Variants in RBPJ observed in about 807,000 individuals in gnomAD.
The protein encoded by RBPJ is recombination signal binding protein for immunoglobulin kappa J region, also known as recombining binding protein suppressor of hairless.
Under a neutral mutation model 67.8 loss-of-function variants are expected in RBPJ, and 9 were observed. The observed-to-expected ratio is 0.13, with a 90% CI of 0.08 to 0.23. The LOEUF (loss-of-function observed/expected upper bound fraction) is 0.23. Among genes scored for constraint, RBPJ ranks in the 10% least tolerant of loss-of-function variants. The pLI is 1.00. For synonymous variants in RBPJ, 198 were observed against 203.3 expected (o/e 0.97, Z 0.22); for missense variants, 305 against 595.6 (o/e 0.51, Z 5.08).
chr4:26,423,956 C>T (rs1461366633), intron 5 of RBPJ, among the ~76,000 whole-genome samples: 1 of 152,150 alleles, frequency 6.6e-6, no homozygotes, highest in East Asian at 1.9e-4. Context: ...TCTGCTTTTC[C>T]ATTCAGTGAT....
At chr4:26,258,046 A>T (rs745320702) in intron 1 of RBPJ, among the ~76,000 whole-genome samples, 7 of 152,244 alleles carry the variant, frequency 4.6e-5, no homozygotes, top group Non-Finnish European at 8.8e-5. Context: ...ACAGGCTCAC[A>T]TTATGTCAGA....
intron 1 of RBPJ, among the ~76,000 whole-genome samples, chr4:26,248,875 A>G (rs1720008095): frequency 6.6e-6 from 1 of 152,232 alleles, no homozygotes; most frequent in Admixed American, 6.5e-5. Context: ...CAAAAACACC[A>G]GCTGGGAGGT....
chr4:26,404,923 GC>G (rs1181539145), intron 2 of RBPJ, among the ~76,000 whole-genome samples: 1 of 152,040 alleles, frequency 6.6e-6, no homozygotes, highest in East Asian at 1.9e-4. Flanking sequence ...CTTTACATAG[GC>G]GTTCCCTTAT....
At chr4:26,398,601 C>T (rs1321522842) in intron 2 of RBPJ, among the ~76,000 whole-genome samples, 1 of 152,154 alleles carries the variant, frequency 6.6e-6, no homozygotes, top group Non-Finnish European at 1.5e-5. Flanking sequence ...TCTTTCCAAT[C>T]TCATCTTTCA....
the RBPJ span, among the ~76,000 whole-genome samples, chr4:26,124,415 C>CATAT: frequency 4.8e-3 from 298 of 62,374 alleles, 10 homozygotes; most frequent in East Asian, 7.4e-3. Flanking sequence ...AGTATTCCAT[C>CATAT]ATATATATAT....
chr4:26,308,924 ATT>A (rs1722335824), intron 1 of RBPJ, among the ~76,000 whole-genome samples: 1 of 152,134 alleles, frequency 6.6e-6, no homozygotes, highest in Non-Finnish European at 1.5e-5. Context: ...TGTTCTATTG[ATT>A]TCCTGTGTAA....
At chr4:26,270,363 AAGAAAG>A (rs1720842617) in intron 1 of RBPJ, among the ~76,000 whole-genome samples, 1 of 21,142 alleles carries the variant, frequency 4.7e-5, no homozygotes, top group Admixed American at 5.6e-4. Flanking sequence ...AAGAGAAAGA[AAGAAAG>A]AAAGAAAGAA....
chr4:26,234,446 C>T lies in RBPJ; in HGVS notation c.-167+70832C>T, dbSNP rs75581087. ...GCCTGAAAGAACCAGAGAATGATTC[C>T]GTAGTAATACTAAAATTTGTGGCAT... On this transcript the variant is annotated intron_variant, in intron 1 of 4. Transcript: ENST00000512351. Among the ~76,000 whole-genome samples the T allele has an allele frequency of 1.1e-3, 164 of 152,162 alleles. 1 individual carries two copies. The East Asian group carries it at 0.023, about 21-fold the overall frequency.
intron 1 of RBPJ, among the ~76,000 whole-genome samples, chr4:26,372,449 G>T (rs1484262033): frequency 6.6e-6 from 1 of 152,174 alleles, no homozygotes; most frequent in African/African-American, 2.4e-5. Flanking sequence ...GACGTAGGGC[G>T]ATTGACTAGA....
At chr4:26,428,652 G>T in intron 7 of RBPJ, 68 bp from the exon 8 acceptor site, 1 of 1,212,446 alleles carries the variant, frequency 8.2e-7, no homozygotes, top group Non-Finnish European at 1.2e-6. Flanking sequence ...ATGTACTTTT[G>T]ATGTTTTACA....
In RBPJ at chr4:26,289,053, A is replaced by G. The variant is rs1229347980; in HGVS notation, c.-166-73393A>G. 4.0e-5 allele frequency among the ~76,000 whole-genome samples: 6 copies of G among 151,082 alleles called. No individual in the cohort carries two copies. In the East Asian group the frequency reaches 1.2e-3, roughly 30 times the overall value. On this transcript the variant is annotated intron_variant, in intron 1 of 4. Coordinates refer to the RBPJ transcript ENST00000512351. ...TTAAATTTTTTTATGTTTAACTTACATACTTCCAAAATTACTTGAAGCAGT... is the reference window on the plus strand; with the variant it reads ...TTAAATTTTTTTATGTTTAACTTACGTACTTCCAAAATTACTTGAAGCAGT...
intron 2 of RBPJ, among the ~76,000 whole-genome samples, chr4:26,402,550 TG>T (rs1732947508): frequency 6.6e-6 from 1 of 152,220 alleles, no homozygotes; most frequent in Non-Finnish European, 1.5e-5. Context: ...TTCCCCCAGC[TG>T]GCATCTGTTA....
chr4:26,388,234 C>T (rs1731118368), intron 2 of RBPJ, among the ~76,000 whole-genome samples: 1 of 152,092 alleles, frequency 6.6e-6, no homozygotes, highest in Non-Finnish European at 1.5e-5. Flanking sequence ...TGGCTTCAAA[C>T]AATCCTCCTG....
intron 1 of RBPJ, among the ~76,000 whole-genome samples, chr4:26,379,617 ACCT>A (rs958943761): frequency 3.3e-5 from 5 of 151,830 alleles, no homozygotes; most frequent in African/African-American, 1.2e-4. Context: ...CATGGGGGAA[ACCT>A]CCTCCATGAT....
rs34958199 is a variant in RBPJ, at chr4:26,255,801, CAAAAAAAAAAAA to C, written c.-167+92193_-167+92204del. On this transcript the variant is annotated intron_variant, in intron 1 of 4. Coordinates refer to the RBPJ transcript ENST00000512351. ...TGGGCAACAGAGCAAGACTCCGTCTCAAAAAAAAAAAAAAAAAGAAAAGAAAAAAGAAAATCA... is the reference window on the plus strand; with the variant it reads ...TGGGCAACAGAGCAAGACTCCGTCTCAAAAAGAAAAGAAAAAAGAAAATCA... Among the ~76,000 whole-genome samples, 138 of 75,290 alleles carry C rather than the reference CAAAAAAAAAAAA, an allele frequency of 1.8e-3. 1 individual carries two copies. Among genetic ancestry groups the C allele is most frequent in the Middle Eastern group, 7.0e-3 (1 of 142 alleles). The allele number at this position is 75,290 out of a possible 152,430, so 49.4% of individuals were successfully genotyped here.
chr4:26,214,935 GGGA>G (rs1435678379), intron 1 of RBPJ, among the ~76,000 whole-genome samples: 3 of 115,300 alleles, frequency 2.6e-5, no homozygotes, highest in Non-Finnish European at 5.0e-5. Flanking sequence ...GAAGGAAGGA[GGGA>G]GGGAGGAAGG....
chr4:26,153,541 G>A, the RBPJ span, among the ~76,000 whole-genome samples: 1 of 152,204 alleles, frequency 6.6e-6, no homozygotes, highest in Non-Finnish European at 1.5e-5. Context: ...CTCCAAGGAT[G>A]AAGAGGCATG....
At chr4:26,322,234 A>C (rs1372613233) in intron 1 of RBPJ, 1 of 152,132 alleles carries the variant, frequency 6.6e-6, no homozygotes, top group East Asian at 1.9e-4. Context: ...AGATGTATAT[A>C]TGTGTTTTTC....
chr4:26,331,734 T>C (rs1323847091), intron 1 of RBPJ, among the ~76,000 whole-genome samples: 6 of 152,216 alleles, frequency 3.9e-5, no homozygotes, highest in Non-Finnish European at 8.8e-5. Context: ...TTGCTCCTAC[T>C]CGAGAACTGG....
Sources: allele counts gnomAD v4.1 joint callset (sites outside exome capture counted in the v4.1 genomes callset), GRCh38; gene constraint gnomAD v4.1.1; transcripts MANE v1.5; gene names NCBI Gene and HGNC (gene_info 2026-07-23, HGNC 2026-07-21).